The following SH3GL2 variants were observed in gnomAD, a reference collection of about 807,000 sequenced individuals.
SH3GL2 encodes SH3 domain containing GRB2 like 2, endophilin A1, also known as endophilin-A1.
In SH3GL2, 24 loss-of-function variants were observed where a neutral mutation model predicts 46.0. The ratio of observed to expected loss-of-function variants is 0.52; its 90% CI spans 0.38 to 0.73. The LOEUF is 0.73. Ranked by LOEUF, SH3GL2 falls within the 30% of genes least tolerant of loss-of-function variation. The pLI is 0.00. For missense variants in SH3GL2, 413 were observed against 424.2 expected, an observed-to-expected ratio of 0.97 and a Z score of 0.23; for synonymous variants, 196 against 147.1, an observed-to-expected ratio of 1.33 and a Z score of -2.40.
At chr9:17,621,370 A>G (rs1819134632) in intron 1 of SH3GL2, among the ~76,000 whole-genome samples, 1 of 152,232 alleles carries the variant, frequency 6.6e-6, no homozygotes, top group African/African-American at 2.4e-5. Context: ...ACTACGTGCA[A>G]GACCTGCCTC....
At chr9:17,711,332 G>A (rs1278477872) in intron 1 of SH3GL2, among the ~76,000 whole-genome samples, 1 of 151,776 alleles carries the variant, frequency 6.6e-6, no homozygotes, top group Non-Finnish European at 1.5e-5. Context: ...CTTCACTACA[G>A]TAACTGTACT....
intron 1 of SH3GL2, among the ~76,000 whole-genome samples, chr9:17,580,185 T>C (rs1275714566): frequency 6.6e-6 from 1 of 152,130 alleles, no homozygotes; most frequent in African/African-American, 2.4e-5. Context: ...TGATTACTAC[T>C]TTTTTATCCT....
At chr9:17,680,838 C>G (rs1820748028) in intron 1 of SH3GL2, among the ~76,000 whole-genome samples, 2 of 152,032 alleles carry the variant, frequency 1.3e-5, no homozygotes, top group African/African-American at 2.4e-5. Flanking sequence ...TGTCTTTGTT[C>G]TCGTTGGTTT....
At chr9:17,768,957 C>G (rs1431464343) in intron 3 of SH3GL2, among the ~76,000 whole-genome samples, 3 of 152,208 alleles carry the variant, frequency 2.0e-5, no homozygotes, top group Non-Finnish European at 4.4e-5. Flanking sequence ...TCCTGGCTGT[C>G]TCCATCTCGC....
At chr9:17,739,301 T>G (rs1052559713) in intron 1 of SH3GL2, among the ~76,000 whole-genome samples, 4 of 152,154 alleles carry the variant, frequency 2.6e-5, no homozygotes, top group Admixed American at 6.6e-5. Context: ...TAGCACTTTT[T>G]TCTTCTCTTT....
chr9:17,700,385 A>C (rs1821318023), intron 1 of SH3GL2, among the ~76,000 whole-genome samples: 1 of 152,184 alleles, frequency 6.6e-6, no homozygotes, highest in African/African-American at 2.4e-5. Context: ...CAGGGTCTTC[A>C]AGCTAAAACT....
At chr9:17,689,586 C>T (rs756954844) in intron 1 of SH3GL2, among the ~76,000 whole-genome samples, 2 of 151,996 alleles carry the variant, frequency 1.3e-5, no homozygotes, top group Non-Finnish European at 2.9e-5. Context: ...TCTTTAATTG[C>T]ATGTCTTAGC....
At chr9:17,715,446 ACT>A (rs1821728350) in intron 1 of SH3GL2, among the ~76,000 whole-genome samples, 1 of 149,656 alleles carries the variant, frequency 6.7e-6, no homozygotes, top group Non-Finnish European at 1.5e-5. Flanking sequence ...AACTTCACTT[ACT>A]CTTCTGTTAA....
intron 3 of SH3GL2, among the ~76,000 whole-genome samples, chr9:17,781,332 G>A (rs962046118): frequency 8.0e-6 from 1 of 124,918 alleles, no homozygotes; most frequent in East Asian, 2.4e-4. Context: ...GGGGTTGTTT[G>A]TTTTTTTCTT....
chr9:17,775,715 G>A (rs1823622907), intron 3 of SH3GL2, among the ~76,000 whole-genome samples: 1 of 152,184 alleles, frequency 6.6e-6, no homozygotes, highest in East Asian at 1.9e-4. Flanking sequence ...TAAAAGCAGT[G>A]AAAGACTTCA....
At position 17,579,116 on chromosome 9, in the gene SH3GL2, C is replaced by T. The variant is rs1005061617; in HGVS notation, c.-127C>T. 5.4e-6 allele frequency: 3 copies of T among 559,640 alleles called. No individual in the cohort carries two copies. The highest frequency in any genetic ancestry group is 4.4e-5 in the Admixed American group (1 of 22,632). 34.7% of individuals were successfully genotyped at this position (559,640 alleles called of 1,614,324 possible). On this transcript the variant is annotated 5_prime_UTR_variant, in exon 1 of 9. Coordinates refer to ENST00000380607, the MANE Select transcript of SH3GL2 (RefSeq NM_003026.5). ...CGTGTCCCGCTAGGCTCCGCGCCCT[C>T]GCGCCCATAGCCCCGGCGGCGGCAC... is the stretch of plus-strand genomic sequence containing the variant.
At chr9:17,674,309 C>G (rs138682729) in intron 1 of SH3GL2, among the ~76,000 whole-genome samples, 3,355 of 152,156 alleles carry the variant, frequency 0.022, 118 homozygotes, top group African/African-American at 0.077. Context: ...CTCTGTTGCC[C>G]AGGCTGGAGT....
chr9:17,664,989 A>G (rs1049975610), intron 1 of SH3GL2, among the ~76,000 whole-genome samples: 1 of 152,160 alleles, frequency 6.6e-6, no homozygotes, highest in Non-Finnish European at 1.5e-5. Flanking sequence ...AATGATGTCA[A>G]ACTTACATAA....
At chr9:17,593,034 GT>G in intron 1 of SH3GL2, among the ~76,000 whole-genome samples, 1 of 152,196 alleles carries the variant, frequency 6.6e-6, no homozygotes, top group Non-Finnish European at 1.5e-5. Flanking sequence ...TGAACATGTG[GT>G]GGTTCCTGAA....
intron 1 of SH3GL2, among the ~76,000 whole-genome samples, chr9:17,619,183 C>A (rs926289500): frequency 1.3e-5 from 2 of 152,186 alleles, no homozygotes; most frequent in African/African-American, 4.8e-5. Flanking sequence ...TAGTTGATGG[C>A]AGAGCTGGGC....
chr9:17,782,874 C>A (rs1029865146), intron 3 of SH3GL2, among the ~76,000 whole-genome samples: 1 of 152,134 alleles, frequency 6.6e-6, no homozygotes, highest in African/African-American at 2.4e-5. Flanking sequence ...TAACGCACGC[C>A]AGCCTTCATA....
At chr9:17,674,679 T>G (rs1446749639) in intron 1 of SH3GL2, among the ~76,000 whole-genome samples, 2 of 152,146 alleles carry the variant, frequency 1.3e-5, no homozygotes, top group African/African-American at 4.8e-5. Flanking sequence ...GGGTCCTCAT[T>G]CATCTGGTCG....
chr9:17,639,817 A>G (rs1298673409), intron 1 of SH3GL2, among the ~76,000 whole-genome samples: 1 of 152,226 alleles, frequency 6.6e-6, no homozygotes, highest in East Asian at 1.9e-4. Context: ...TAATACATGA[A>G]AAGACATGTT....
intron 1 of SH3GL2, among the ~76,000 whole-genome samples, chr9:17,650,129 G>T (rs934294211): frequency 6.6e-6 from 1 of 152,174 alleles, no homozygotes; most frequent in African/African-American, 2.4e-5. Context: ...CAGTTGAGAT[G>T]ATGTTATCTA....
Sources: gnomAD v4.1 joint callset for allele counts (sites outside exome capture counted in the v4.1 genomes callset) on GRCh38, gnomAD v4.1.1 for gene constraint, MANE v1.5 for transcripts, NCBI Gene and HGNC (gene_info 2026-07-23, HGNC 2026-07-21) for gene names.